Variants in SPECC1 observed in about 807,000 individuals in gnomAD.
SPECC1 encodes the protein cytospin-B.
A neutral mutation model predicts 104.1 loss-of-function variants in SPECC1; 62 were observed. The ratio of observed to expected loss-of-function variants is 0.60; its 90% CI spans 0.49 to 0.74. SPECC1 has a LOEUF of 0.74. Among genes scored for constraint, SPECC1 ranks in the 30% least tolerant of loss-of-function variants. SPECC1 has a pLI of 0.00. For synonymous variants in SPECC1, 513 were observed against 501.6 expected (o/e 1.02, Z -0.30); for missense variants, 1,306 against 1,310.5 (o/e 1.00, Z 0.05).
At chr17:20,304,391 A>C (rs2041694664) in intron 13 of SPECC1, among the ~76,000 whole-genome samples, 1 of 152,180 alleles carries the variant, frequency 6.6e-6, no homozygotes, top group Non-Finnish European at 1.5e-5. Flanking sequence ...ATATAATCCT[A>C]ATAATTTTGA....
intron 3 of SPECC1, among the ~76,000 whole-genome samples, chr17:20,117,603 A>G (rs2048822201): frequency 6.6e-6 from 1 of 151,780 alleles, no homozygotes; most frequent in Admixed American, 6.6e-5. Flanking sequence ...CCTGGGCAAC[A>G]TAGTGAGACC....
intron 3 of SPECC1, chr17:20,156,239 C>T: frequency 1.5e-6 from 2 of 1,367,752 alleles, no homozygotes; most frequent in Non-Finnish European, 1.9e-6. Flanking sequence ...GGAACCAGGT[C>T]TGTGCGGCTG....
At chr17:20,237,310 GT>G in intron 7 of SPECC1, 1 of 993,740 alleles carries the variant, frequency 1.0e-6, no homozygotes, top group Non-Finnish European at 1.2e-6. Context: ...TTGTTGTTTT[GT>G]TTTGTTTTTT....
chr17:20,034,916 G>A (rs534212464), intron 1 of SPECC1, among the ~76,000 whole-genome samples: 1 of 152,156 alleles, frequency 6.6e-6, no homozygotes, highest in African/African-American at 2.4e-5. Flanking sequence ...TTTTCTAAAT[G>A]TTTTATAGAT....
intron 3 of SPECC1, among the ~76,000 whole-genome samples, chr17:20,199,080 C>CTTTT (rs562975649): frequency 7.8e-5 from 6 of 76,572 alleles, no homozygotes; most frequent in Admixed American, 3.2e-4. Context: ...CTTATGGTAG[C>CTTTT]TTTTTTTTTT....
chr17:20,076,902 A>AC (rs1281253241), intron 1 of SPECC1, among the ~76,000 whole-genome samples: 1 of 151,898 alleles, frequency 6.6e-6, no homozygotes, highest in Non-Finnish European at 1.5e-5. Context: ...GAAAAACAGA[A>AC]CCTCTTTATG....
chr17:20,313,970 C>T lies in SPECC1; in HGVS notation c.3118-6C>T. On this transcript the variant is annotated splice_polypyrimidine_tract_variant and splice_region_variant and intron_variant, in intron 14 of 14. Coordinates refer to ENST00000395527, the MANE Select transcript of SPECC1 (RefSeq NM_001243439.2). ...GTGATCTGTCCCCCATTCCCTTCCC[C>T]TGCAGGAACTCAGCGAGATGCTGTA... is the stretch of plus-strand genomic sequence containing the variant. 1 of 1,614,022 alleles carries T rather than the reference C, an allele frequency of 6.2e-7. No homozygotes were observed. Among genetic ancestry groups the T allele is most frequent in the Non-Finnish European group, 8.5e-7 (1 of 1,179,930 alleles).
chr17:20,069,892 G>A (rs956939586), intron 1 of SPECC1, among the ~76,000 whole-genome samples: 4 of 151,876 alleles, frequency 2.6e-5, no homozygotes, highest in Non-Finnish European at 4.4e-5. Context: ...AAATGTAATT[G>A]GTTTCTGAGT....
intron 1 of SPECC1, among the ~76,000 whole-genome samples, chr17:20,018,533 G>A (rs115921688): frequency 0.015 from 2,349 of 152,242 alleles, 55 homozygotes; most frequent in African/African-American, 0.053. Context: ...TGAGATTACC[G>A]GCATGGGCCA....
At chr17:20,067,083 A>C (rs1323701501) in intron 1 of SPECC1, 2 of 152,042 alleles carry the variant, frequency 1.3e-5, no homozygotes, top group Non-Finnish European at 2.9e-5. Context: ...CAAAACTGTT[A>C]CATGTTCATA....
chr17:20,043,784 G>A (rs1431589732), intron 1 of SPECC1, among the ~76,000 whole-genome samples: 1 of 152,156 alleles, frequency 6.6e-6, no homozygotes, highest in African/African-American at 2.4e-5. Context: ...ATTTCCAAGG[G>A]AGAAGAGTTT....
chr17:20,266,553 C>T (rs915241741), intron 12 of SPECC1, among the ~76,000 whole-genome samples: 4 of 152,200 alleles, frequency 2.6e-5, no homozygotes. Flanking sequence ...CACTGCACTC[C>T]AGCCTGGGCG....
rs748869011 is a variant in SPECC1 at position 20,227,393 on chromosome 17, G to C, written c.1864-20G>C. ...ATTTTTTTGTTGTTAACTGACCAAGGAACCTTCCTTTTATTTTAGGTGGAA... is the reference window on the plus strand; with the variant it reads ...ATTTTTTTGTTGTTAACTGACCAAGCAACCTTCCTTTTATTTTAGGTGGAA... On this transcript the variant is annotated intron_variant, in intron 4 of 14. Coordinates refer to ENST00000395527, the MANE Select transcript of SPECC1 (RefSeq NM_001243439.2). 6.2e-6 allele frequency: 10 copies of C among 1,604,362 alleles called. No individual in the cohort carries two copies. The highest frequency in any genetic ancestry group is 1.3e-5 in the African/African-American group (1 of 74,116).
intron 3 of SPECC1, among the ~76,000 whole-genome samples, chr17:20,148,977 C>G (rs2031733392): frequency 6.6e-6 from 1 of 152,170 alleles, no homozygotes; most frequent in Admixed American, 6.5e-5. Context: ...CTGCCTCAGC[C>G]TCCCAAAGTG....
Position 20,315,525 on chromosome 17 carries a change from GC to G in SPECC1, c.*1462del, listed in dbSNP as rs2042029795. The stretch of plus-strand genomic sequence containing the variant: ...ATGCCCATCCCTTGCTGTTTTAAGT[GC>G]CAAATAGCGTGTTAGCGCCCCTCCA... On this transcript the variant is annotated 3_prime_UTR_variant, in exon 15 of 15. Transcript: ENST00000395527. 1 of 232,680 alleles carries G rather than the reference GC, an allele frequency of 4.3e-6. No individual in the cohort carries two copies. Among genetic ancestry groups the G allele is most frequent in the Non-Finnish European group, 8.5e-6 (1 of 117,810 alleles). The allele number at this position is 232,680 out of a possible 1,614,324, so 14.4% of individuals were successfully genotyped here.
rs2042056474 is a variant in SPECC1 at position 20,317,584 on chromosome 17, G to C, written c.*3519G>C. On this transcript the variant is annotated 3_prime_UTR_variant, in exon 15 of 15. Coordinates refer to ENST00000395527, the MANE Select transcript of SPECC1 (RefSeq NM_001243439.2). The stretch of plus-strand genomic sequence containing the variant: ...CAAAATTTTGTTTTTTAATTAGCTG[G>C]GTACAATGATAGGCACCTGTAATCT... 5.2e-6 allele frequency: 1 copy of C among 192,258 alleles called. No individual in the cohort carries two copies. 11.9% of individuals were successfully genotyped at this position (192,258 alleles called of 1,614,324 possible). A position where few individuals can be genotyped will look rare whatever the true frequency, so the allele number is the denominator to read the frequency against.
intron 4 of SPECC1, among the ~76,000 whole-genome samples, chr17:20,215,269 G>A (rs577208893): frequency 1.3e-5 from 2 of 152,328 alleles, no homozygotes; most frequent in South Asian, 4.1e-4. Flanking sequence ...AGGAGGTTGC[G>A]ACTCTGAAGA....
intron 1 of SPECC1, among the ~76,000 whole-genome samples, chr17:20,079,199 C>G (rs1339629616): frequency 6.6e-6 from 1 of 152,210 alleles, no homozygotes; most frequent in African/African-American, 2.4e-5. Context: ...AGGCTTTGTG[C>G]AGTTGCGTCC....
Position 20,290,619 on chromosome 17 carries a change from A to G in SPECC1, c.2941-6342A>G, listed in dbSNP as rs1022086500. On this transcript the variant is annotated intron_variant, in intron 12 of 14. Coordinates refer to ENST00000395527, the MANE Select transcript of SPECC1 (RefSeq NM_001243439.2). ...AACCTCTGCCTCCTGAGTTCAAGCA[A>G]TTCTCCCTCTTCAGCCTCCTGAATA... 3.9e-5 allele frequency among the ~76,000 whole-genome samples: 6 copies of G among 152,182 alleles called. No individual in the cohort carries two copies. The East Asian group carries it at 9.7e-4, about 25-fold the overall frequency.
Sources: allele counts gnomAD v4.1 joint callset (sites outside exome capture counted in the v4.1 genomes callset), GRCh38; gene constraint gnomAD v4.1.1; transcripts MANE v1.5; gene names NCBI Gene and HGNC (gene_info 2026-07-23, HGNC 2026-07-21).